RC3H1: variants seen among roughly 807,000 people sequenced by gnomAD.
RC3H1 encodes the protein roquin-1.
In RC3H1, 50 loss-of-function variants were observed where a neutral mutation model predicts 138.2. The ratio of observed to expected loss-of-function variants is 0.36; its 90% CI spans 0.29 to 0.46. The LOEUF is 0.46. RC3H1 is among the 20% of genes least tolerant of loss of function. RC3H1 has a pLI of 1.00. For synonymous variants in RC3H1, 462 were observed against 489.1 expected (o/e 0.94, Z 0.73); for missense variants, 1,031 against 1,388.1 (o/e 0.74, Z 4.09).
chr1:173,947,013 G>A (rs1271721897), intron 15 of RC3H1, among the ~76,000 whole-genome samples, 177 bp from the exon 16 acceptor site: 1 of 152,128 alleles, frequency 6.6e-6, no homozygotes, highest in African/African-American at 2.4e-5. Context: ...GCATGATGCT[G>A]GGTGCTGATA....
chr1:174,014,436 A>T (rs950387515), intron 1 of RC3H1, among the ~76,000 whole-genome samples: 1 of 152,190 alleles, frequency 6.6e-6, no homozygotes, highest in African/African-American at 2.4e-5. Flanking sequence ...ATTGAACAGC[A>T]TAGGCCCATA....
chr1:173,961,728 G>A lies in RC3H1; in HGVS notation c.2199C>T (p.Leu733=). ...AATAAAAAAAAATACAGCATACTCTGAGGTACGAAGGTCTGATCTGAGTTG... is the reference window on the plus strand; with the variant it reads ...AATAAAAAAAAATACAGCATACTCTAAGGTACGAAGGTCTGATCTGAGTTG... ...PHPTQIRPSY[L]REPPYSRLPP... is the part of the protein sequence containing the mutation. Residue 733 remains leucine, a synonymous_variant, in exon 12 of 20, where the codon CTC becomes CTT. Coordinates refer to ENST00000367696, the MANE Select transcript of RC3H1 (RefSeq NM_172071.4). 6.2e-7 allele frequency: 1 copy of A among 1,609,418 alleles called. No homozygotes were observed. The highest frequency in any genetic ancestry group is 8.5e-7 in the Non-Finnish European group (1 of 1,178,180).
chr1:173,996,674 C>T lies in RC3H1; in HGVS notation c.-150-3539G>A, dbSNP rs924350976. ...CTTCACTACCATAGCATGTGACCTACGTCCGGGCATAAAGACTCACTATAT... is the reference window on the plus strand; with the variant it reads ...CTTCACTACCATAGCATGTGACCTATGTCCGGGCATAAAGACTCACTATAT... On this transcript the variant is annotated intron_variant, in intron 1 of 19. Coordinates refer to ENST00000367696, the MANE Select transcript of RC3H1 (RefSeq NM_172071.4). Among the ~76,000 whole-genome samples, 3 of 152,142 alleles carry T rather than the reference C, an allele frequency of 2.0e-5. 1 individual carries two copies. The highest frequency in any genetic ancestry group is 1.3e-4 in the Admixed American group (2 of 15,282).
At chr1:173,945,101 G>A (rs183792947) in intron 17 of RC3H1, among the ~76,000 whole-genome samples, 21 of 150,762 alleles carry the variant, frequency 1.4e-4, no homozygotes, top group African/African-American at 5.2e-4. Flanking sequence ...TCCTTATGTG[G>A]CACTTAAAAG....
In RC3H1 at chr1:173,936,363, A is replaced by C. The variant is rs1014026804; in HGVS notation, c.*2358T>G. 2.0e-5 allele frequency: 3 copies of C among 151,858 alleles called. No homozygotes were observed. Among genetic ancestry groups the C allele is most frequent in the Admixed American group, 6.6e-5 (1 of 15,220 alleles). 9.4% of individuals were successfully genotyped at this position (151,858 alleles called of 1,614,324 possible). On this transcript the variant is annotated 3_prime_UTR_variant, in exon 20 of 20. Coordinates refer to ENST00000367696, the MANE Select transcript of RC3H1 (RefSeq NM_172071.4). ...GCTTATAAGAAGGTTGTAGTACAAA[A>C]ATTAGCTGGACGTGGTGGCGCGTGC...
intron 1 of RC3H1, among the ~76,000 whole-genome samples, chr1:174,013,063 A>G (rs1158313411): frequency 6.6e-6 from 1 of 152,122 alleles, no homozygotes; most frequent in Non-Finnish European, 1.5e-5. Flanking sequence ...CAGACTAAAA[A>G]GAGATGATGC....
In RC3H1 at chr1:173,964,051, G is replaced by T; in HGVS notation, c.1753C>A (p.Pro585Thr). Residue 585 changes from proline (P) to threonine (T), a missense_variant, in exon 11 of 20, where the codon CCA becomes ACA. This residue lies in a region of RC3H1 where 716 missense variants were observed against 837.9 expected (regional missense o/e 0.85). Transcript: ENST00000367696. ...QMVPRGSQLY[P>T]AQQTDVYYQD... ...TAATAAACATCCGTCTGTTGTGCTG[G>T]ATATAACTGAGAACCTCGAGGTACC... 3.1e-6 allele frequency: 5 copies of T among 1,614,146 alleles called. No individual in the cohort carries two copies. The highest frequency in any genetic ancestry group is 1.1e-5 in the South Asian group (1 of 91,082).
At position 173,932,306 on chromosome 1, in the gene RC3H1, G is replaced by C. The variant is rs1658413912; in HGVS notation, c.*6415C>G. 1 of 151,954 alleles carries C rather than the reference G, an allele frequency of 6.6e-6. No individual in the cohort carries two copies. Among genetic ancestry groups the C allele is most frequent in the African/African-American group, 2.4e-5 (1 of 41,378 alleles). The allele number at this position is 151,954 out of a possible 1,614,324, so 9.4% of individuals were successfully genotyped here. On this transcript the variant is annotated 3_prime_UTR_variant, in exon 20 of 20. Coordinates refer to ENST00000367696, the MANE Select transcript of RC3H1 (RefSeq NM_172071.4). ...TAATGACTGCAGAATGTCTCGGGGA[G>C]ACTGATATGAGCCTAAAGACCAAAT... is the stretch of plus-strand genomic sequence containing the variant.
intron 13 of RC3H1, among the ~76,000 whole-genome samples, chr1:173,956,872 G>A (rs769529194): frequency 1.7e-4 from 26 of 151,900 alleles, no homozygotes; most frequent in Non-Finnish European, 2.9e-4. Flanking sequence ...TTTCTATAAT[G>A]TATGAATTTA....
chr1:173,982,620 T>G, intron 5 of RC3H1, 107 bp downstream of exon 5: 1 of 969,092 alleles, frequency 1.0e-6, no homozygotes, highest in Non-Finnish European at 1.5e-6. Flanking sequence ...ATTGCTGAGA[T>G]TTTCTGAAAA....
chr1:173,992,669 AACACACACACAC>A lies in RC3H1; in HGVS notation c.231+74_231+85del, dbSNP rs34709821. The A allele has an allele frequency of 4.4e-3, 2,896 of 657,660 alleles. 56 individuals carry two copies. The African/African-American group carries it at 0.05, about 11-fold the overall frequency. The allele number at this position is 657,660 out of a possible 1,614,324, so 40.7% of individuals were successfully genotyped here. On this transcript the variant is annotated intron_variant, in intron 2 of 19. Transcript: ENST00000367696. The stretch of plus-strand genomic sequence containing the variant: ...TTTCTCTCAGGAGAAAAACACGCAC[AACACACACACAC>A]ACACACACACACACACACAGAGAGA...
intron 11 of RC3H1, among the ~76,000 whole-genome samples, chr1:173,963,060 G>C (rs1007669624): frequency 3.3e-5 from 5 of 152,094 alleles, no homozygotes; most frequent in African/African-American, 9.7e-5. Context: ...AAATCATTCA[G>C]TGTTTATTTT....
chr1:174,000,344 T>C (rs532107742), intron 1 of RC3H1, among the ~76,000 whole-genome samples: 3 of 152,300 alleles, frequency 2.0e-5, no homozygotes, highest in African/African-American at 7.2e-5. Flanking sequence ...TATAGGTTCA[T>C]TTTATATGTT....
At position 173,932,212 on chromosome 1, in the gene RC3H1, C is replaced by T. The variant is rs562613516; in HGVS notation, c.*6509G>A. On this transcript the variant is annotated 3_prime_UTR_variant, in exon 20 of 20. Transcript: ENST00000367696. Reference sequence around the variant, plus strand: ...AAGCTCTATCCCAAGCAAATATGCACCAATGTTAAAAAGTTATTTTTTTAA... The same window carrying T: ...AAGCTCTATCCCAAGCAAATATGCATCAATGTTAAAAAGTTATTTTTTTAA... The T allele has an allele frequency of 8.6e-5, 13 of 151,326 alleles. No individual in the cohort carries two copies. Among genetic ancestry groups the T allele is most frequent in the Non-Finnish European group, 1.8e-4 (12 of 67,848 alleles). 9.4% of individuals were successfully genotyped at this position (151,326 alleles called of 1,614,324 possible).
chr1:173,946,783 G>A lies in RC3H1; in HGVS notation c.2791C>T (p.His931Tyr). The A allele has an allele frequency of 1.2e-6, 2 of 1,613,884 alleles. No individual in the cohort carries two copies. Among genetic ancestry groups the A allele is most frequent in the Non-Finnish European group, 8.5e-7 (1 of 1,179,786 alleles). ...GGWGASPYSP[H>Y]QNIPSQGHFS... The stretch of plus-strand genomic sequence containing the variant: ...TGTCCCTGAGAAGGTATGTTTTGAT[G>A]AGGTGAATATGGAGAAGCTCCCCAG... Residue 931 changes from histidine to tyrosine, a missense_variant, in exon 16 of 20, where the codon CAT (histidine) becomes TAT (tyrosine). Around this residue, in one of 7 missense-constraint regions of RC3H1, gnomAD observed 716 missense variants for 837.9 expected, o/e 0.85. Coordinates refer to ENST00000367696, the MANE Select transcript of RC3H1 (RefSeq NM_172071.4).
At chr1:173,965,755 C>T (rs774291404) in intron 9 of RC3H1, among the ~76,000 whole-genome samples, 44 of 152,130 alleles carry the variant, frequency 2.9e-4, no homozygotes, top group South Asian at 8.3e-4. Context: ...CCTCAAATGC[C>T]TTGGGATACA....
At position 173,985,993 on chromosome 1, in the gene RC3H1, T is replaced by C. The variant is rs186368302; in HGVS notation, c.232-1374A>G. ...ATGGCAAAGATAGTACACAGAATTC[T>C]CATTATCCTGTATTCAGTTTCCCCT... On this transcript the variant is annotated intron_variant, in intron 2 of 19. Coordinates refer to ENST00000367696, the MANE Select transcript of RC3H1 (RefSeq NM_172071.4). 2.1e-3 allele frequency among the ~76,000 whole-genome samples: 314 copies of C among 152,340 alleles called. 1 individual carries two copies. The highest frequency in any genetic ancestry group is 4.0e-3 in the Admixed American group (61 of 15,306).
intron 12 of RC3H1, 42 bp downstream of exon 12, chr1:173,961,683 C>G (rs1271853836): frequency 6.5e-7 from 1 of 1,543,964 alleles, no homozygotes; most frequent in African/African-American, 1.4e-5. Context: ...CAGCAAGCAA[C>G]AGTCAAATTA....
chr1:174,010,172 C>T (rs1557953246), intron 1 of RC3H1, among the ~76,000 whole-genome samples: 1 of 151,980 alleles, frequency 6.6e-6, no homozygotes. Flanking sequence ...AATATACATA[C>T]CTACTGTGTA....
Sources: allele counts gnomAD v4.1 joint callset (sites outside exome capture counted in the v4.1 genomes callset), GRCh38; gene constraint gnomAD v4.1.1; regional missense constraint gnomAD v4.1.1; transcripts MANE v1.5; gene names NCBI Gene and HGNC (gene_info 2026-07-23, HGNC 2026-07-21).